The following LIMCH1 variants were observed in gnomAD, a reference collection of about 807,000 sequenced individuals.
LIMCH1 encodes LIM and calponin homology domains-containing protein 1.
In LIMCH1, 113 loss-of-function variants were observed where a neutral mutation model predicts 176.5. The observed-to-expected ratio is 0.64, with a 90% CI of 0.55 to 0.75. The LOEUF is 0.75. LIMCH1 is among the 30% of genes least tolerant of loss of function. The probability of loss-of-function intolerance (pLI) is 0.00; values close to 1 mark genes in which losing one functional copy is unlikely to be tolerated. For synonymous variants in LIMCH1, 619 were observed against 645.9 expected (o/e 0.96, Z 0.63); for missense variants, 1,674 against 1,814.9 (o/e 0.92, Z 1.41).
chr4:41,550,072 G>A (rs1240444694), intron 1 of LIMCH1, among the ~76,000 whole-genome samples: 3 of 151,454 alleles, frequency 2.0e-5, no homozygotes, highest in African/African-American at 7.3e-5. Flanking sequence ...ATAAAACTTG[G>A]CCATGTACCC....
intron 1 of LIMCH1, among the ~76,000 whole-genome samples, chr4:41,414,138 A>G (rs1236794080): frequency 1.3e-5 from 2 of 152,214 alleles, no homozygotes; most frequent in East Asian, 3.8e-4. Flanking sequence ...TGTATTATTC[A>G]TATTAACAGG....
intron 30 of LIMCH1, 38 bp downstream of exon 30, chr4:41,689,673 A>G (rs937266602): frequency 4.2e-5 from 53 of 1,266,574 alleles, no homozygotes; most frequent in African/African-American, 5.9e-5. Flanking sequence ...ACACAACTTC[A>G]TGATGTCTTT....
At chr4:41,513,332 G>C (rs777932875) in intron 2 of LIMCH1, among the ~76,000 whole-genome samples, 2 of 152,138 alleles carry the variant, frequency 1.3e-5, no homozygotes, top group African/African-American at 4.8e-5. Flanking sequence ...CAGAGCCTCT[G>C]GCCTCAAGAA....
At chr4:41,695,551 T>C (rs1729988066) in intron 31 of LIMCH1, among the ~76,000 whole-genome samples, 1 of 152,170 alleles carries the variant, frequency 6.6e-6, no homozygotes, top group Non-Finnish European at 1.5e-5. Flanking sequence ...TATTATGTTT[T>C]ATTAACCTAT....
chr4:41,580,239 A>G (rs1420081825), intron 1 of LIMCH1, among the ~76,000 whole-genome samples: 1 of 152,188 alleles, frequency 6.6e-6, no homozygotes, highest in Non-Finnish European at 1.5e-5. Context: ...ATGTCCATGG[A>G]ACGTGTACTG....
chr4:41,606,283 T>C lies in LIMCH1; in HGVS notation c.9+279T>C, dbSNP rs560908316. Among the ~76,000 whole-genome samples, 5 of 152,328 alleles carry C rather than the reference T, an allele frequency of 3.3e-5. No individual in the cohort carries two copies. The South Asian group carries it at 1.0e-3, about 32-fold the overall frequency. On this transcript the variant is annotated intron_variant, in intron 4 of 31. Coordinates refer to ENST00000503057, the MANE Select transcript of LIMCH1 (RefSeq NM_001330672.2). ...TTCAATCTATCAGTATATGCCTTTG[T>C]ATGCCAAGATGCTCAGTGCTTGTTT...
In LIMCH1 at chr4:41,697,109, C is replaced by T. The variant is rs143424485; in HGVS notation, c.4379-51C>T. On this transcript the variant is annotated intron_variant, in intron 31 of 31. Coordinates refer to ENST00000503057, the MANE Select transcript of LIMCH1 (RefSeq NM_001330672.2). ...TAGGGAGGTTTTAAAATGTCTGAAG[C>T]GAGAAATGTTGCCTACCACTCTTGT... The T allele has an allele frequency of 6.0e-4, 955 of 1,603,160 alleles. 4 individuals are homozygous for T. In the African/African-American group the frequency reaches 0.011, roughly 19 times the overall value.
chr4:41,383,147 G>T (rs576953306), intron 1 of LIMCH1, among the ~76,000 whole-genome samples: 9 of 152,304 alleles, frequency 5.9e-5, no homozygotes, highest in African/African-American at 2.2e-4. Flanking sequence ...ATAATCAGTT[G>T]TAAGTCTGTC....
At chr4:41,665,107 G>A (rs79806549) in intron 20 of LIMCH1, among the ~76,000 whole-genome samples, 2,014 of 152,116 alleles carry the variant, frequency 0.013, 56 homozygotes, top group African/African-American at 0.046. Context: ...CTTACTGTAC[G>A]GCTAGCTCTT....
At chr4:41,364,090 T>G (rs1475276547) in intron 1 of LIMCH1, among the ~76,000 whole-genome samples, 1 of 152,184 alleles carries the variant, frequency 6.6e-6, no homozygotes, top group Non-Finnish European at 1.5e-5. Context: ...TTCCAAATGA[T>G]TTCTTTGGAA....
chr4:41,577,720 C>T (rs577391675), intron 1 of LIMCH1, among the ~76,000 whole-genome samples: 140 of 152,276 alleles, frequency 9.2e-4, no homozygotes, highest in South Asian at 4.4e-3. Flanking sequence ...TGAGCTACCA[C>T]GCCTTGCCAC....
intron 1 of LIMCH1, among the ~76,000 whole-genome samples, chr4:41,386,946 C>T (rs1490715778): frequency 1.3e-5 from 2 of 152,112 alleles, no homozygotes; most frequent in Admixed American, 1.3e-4. Context: ...TAGCTATATG[C>T]TATGGTAAAA....
At chr4:41,410,674 C>G (rs1200714664) in intron 1 of LIMCH1, among the ~76,000 whole-genome samples, 2 of 152,206 alleles carry the variant, frequency 1.3e-5, no homozygotes. Flanking sequence ...GCATTCTCCT[C>G]TCCCGTCCAT....
chr4:41,601,650 G>A (rs977387041), intron 2 of LIMCH1, among the ~76,000 whole-genome samples: 2 of 152,166 alleles, frequency 1.3e-5, no homozygotes, highest in Non-Finnish European at 2.9e-5. Context: ...TACTGTATGA[G>A]TATTTCAAAG....
At chr4:41,405,205 A>G (rs1279925472) in intron 1 of LIMCH1, among the ~76,000 whole-genome samples, 1 of 152,156 alleles carries the variant, frequency 6.6e-6, no homozygotes, top group Non-Finnish European at 1.5e-5. Context: ...CTTTTTCAAT[A>G]TTTCTCTGAA....
chr4:41,466,758 T>C (rs1474898740), intron 1 of LIMCH1, among the ~76,000 whole-genome samples: 1 of 152,246 alleles, frequency 6.6e-6, no homozygotes, highest in Admixed American at 6.5e-5. Context: ...GTTTTAATCA[T>C]GGTAAAATGT....
At chr4:41,585,734 T>G (rs970159674) in intron 1 of LIMCH1, among the ~76,000 whole-genome samples, 3 of 152,238 alleles carry the variant, frequency 2.0e-5, no homozygotes, top group Non-Finnish European at 4.4e-5. Context: ...GGCATTCTAA[T>G]GAGTGTGAAG....
rs887167936 is a variant in LIMCH1 at position 41,525,123 on chromosome 4, T to C, written c.237+645T>C. On this transcript the variant is annotated intron_variant, in intron 3 of 26. Transcript: ENST00000313860. Reference sequence around the variant, plus strand: ...ATGTCTTATAATTCTTGGCAACTAATTTTTTAATTGCTTCATCGATGTTGC... The same window carrying C: ...ATGTCTTATAATTCTTGGCAACTAACTTTTTAATTGCTTCATCGATGTTGC... 3.3e-5 allele frequency among the ~76,000 whole-genome samples: 5 copies of C among 152,238 alleles called. No homozygotes were observed. In the East Asian group the frequency reaches 9.6e-4, roughly 29 times the overall value.
intron 1 of LIMCH1, among the ~76,000 whole-genome samples, chr4:41,584,951 A>G (rs1434062572): frequency 6.6e-6 from 1 of 152,140 alleles, no homozygotes; most frequent in Non-Finnish European, 1.5e-5. Flanking sequence ...TTCCTGGTTC[A>G]TAGATGACCA....
Sources: allele counts gnomAD v4.1 joint callset (sites outside exome capture counted in the v4.1 genomes callset), GRCh38; gene constraint gnomAD v4.1.1; transcripts MANE v1.5; gene names NCBI Gene and HGNC (gene_info 2026-07-23, HGNC 2026-07-21).